The following PLA1A variants were observed in gnomAD, a reference collection of about 807,000 sequenced individuals.
PLA1A encodes the protein phosphatidylserine-specific phospholipase A1alpha.
A neutral mutation model predicts 49.4 loss-of-function variants in PLA1A; 47 were observed. That is an observed-to-expected ratio of 0.95 (90% confidence interval 0.75 to 1.21). The LOEUF (loss-of-function observed/expected upper bound fraction) is 1.21, where lower values mean the gene tolerates loss of function less well. Ranked by LOEUF, PLA1A falls within the 50% of genes most tolerant of loss-of-function variation. The pLI is 0.00. For missense variants in PLA1A, 561 were observed against 563.9 expected (o/e 0.99, Z 0.05); for synonymous variants, 224 against 207.9 (o/e 1.08, Z -0.67).
At chr3:119,602,157 G>T (rs1227488142) in intron 1 of PLA1A, among the ~76,000 whole-genome samples, 1 of 151,862 alleles carries the variant, frequency 6.6e-6, no homozygotes, top group South Asian at 2.1e-4. Context: ...TTGCACTTTT[G>T]GTACTTCGGA....
rs1298592085 is a variant in PLA1A at position 119,613,018 on chromosome 3, C to T, written c.564C>T (p.Gly188=). The T allele has an allele frequency of 6.3e-7, 1 of 1,584,398 alleles. No individual in the cohort carries two copies. Among genetic ancestry groups the T allele is most frequent in the Non-Finnish European group, 8.6e-7 (1 of 1,162,084 alleles). The change falls in exon 5 of 11, where the codon GGC becomes GGT. Residue 188 remains glycine (G), a splice_region_variant and synonymous_variant. Coordinates refer to ENST00000273371, the MANE Select transcript of PLA1A (RefSeq NM_015900.4). ...LFGGQLGQIT[G]LDPAGPEYTR... The stretch of plus-strand genomic sequence containing the variant: ...CCTCATATCAGTCTCTTCTCACAGG[C>T]CTGGACCCCGCTGGACCTGAGTACA...
intron 2 of PLA1A, among the ~76,000 whole-genome samples, chr3:119,608,276 G>T (rs1474938938): frequency 6.6e-6 from 1 of 150,512 alleles, no homozygotes; most frequent in Non-Finnish European, 1.5e-5. Context: ...AAGAAAGAAA[G>T]AAAGAAAGAA....
chr3:119,610,080 G>T (rs1375894080), intron 4 of PLA1A, among the ~76,000 whole-genome samples: 2 of 152,142 alleles, frequency 1.3e-5, no homozygotes, highest in Non-Finnish European at 2.9e-5. Context: ...GCGGTATTTG[G>T]TTTTTTGTTT....
chr3:119,609,376 C>A, intron 3 of PLA1A, 92 bp from the exon 4 acceptor site: 1 of 823,104 alleles, frequency 1.2e-6, no homozygotes, highest in Non-Finnish European at 2.2e-6. Context: ...ATGCCCAGGG[C>A]CTCGGCTTCT....
chr3:119,626,305 C>A (rs891802711), intron 9 of PLA1A, among the ~76,000 whole-genome samples: 1 of 152,216 alleles, frequency 6.6e-6, no homozygotes, highest in African/African-American at 2.4e-5. Context: ...GTGGGGGAAC[C>A]TGCAGGGGAA....
At chr3:119,606,739 T>G (rs779350476) in intron 1 of PLA1A, 35 bp from the exon 2 acceptor site, 1 of 1,561,050 alleles carries the variant, frequency 6.4e-7, no homozygotes, top group Non-Finnish European at 8.8e-7. Context: ...TGACCTCACC[T>G]TGGATGTTGC....
chr3:119,626,894 C>T (rs767288697), intron 9 of PLA1A, among the ~76,000 whole-genome samples: 3 of 152,146 alleles, frequency 2.0e-5, no homozygotes, highest in Non-Finnish European at 2.9e-5. Flanking sequence ...TCATTAGACC[C>T]GCTCAAGGTT....
chr3:119,613,045 C>G lies in PLA1A; in HGVS notation c.591C>G (p.Thr197=), dbSNP rs2272269. The change falls in exon 5 of 11, where the codon ACC becomes ACG. Residue 197 remains threonine (T), a synonymous_variant. Coordinates refer to ENST00000273371, the MANE Select transcript of PLA1A (RefSeq NM_015900.4). ...TGLDPAGPEY[T]RASVEERLDA... ...TGGACCCCGCTGGACCTGAGTACAC[C>G]AGGGCCAGTGTGGAAGAGCGCTTGG... The G allele has an allele frequency of 0.19, 303,154 of 1,597,774 alleles. 34,267 individuals are homozygous for G. Among genetic ancestry groups the G allele is most frequent in the East Asian group, 0.47 (21,116 of 44,466 alleles).
At chr3:119,611,061 T>C (rs2082758670) in intron 4 of PLA1A, among the ~76,000 whole-genome samples, 1 of 152,206 alleles carries the variant, frequency 6.6e-6, no homozygotes, top group Non-Finnish European at 1.5e-5. Context: ...ATTTATCGAA[T>C]AGGGTATCTT....
intron 10 of PLA1A, 66 bp from the exon 11 acceptor site, chr3:119,629,318 A>C (rs2052591189): frequency 2.2e-6 from 2 of 912,776 alleles, no homozygotes; most frequent in South Asian, 1.3e-5. Context: ...GGGAATTCAA[A>C]AGCCACACAA....
chr3:119,620,937 T>C (rs1320242874), intron 8 of PLA1A, among the ~76,000 whole-genome samples: 1 of 152,228 alleles, frequency 6.6e-6, no homozygotes, highest in Non-Finnish European at 1.5e-5. Flanking sequence ...GTCTCCTGAC[T>C]GTAAACTCTA....
chr3:119,616,975 G>A (rs769981081), intron 6 of PLA1A, among the ~76,000 whole-genome samples: 26 of 152,206 alleles, frequency 1.7e-4, no homozygotes, highest in South Asian at 6.2e-4. Flanking sequence ...CATACAGAGT[G>A]TCCCAACCAC....
chr3:119,608,800 C>T lies in PLA1A; in HGVS notation c.306C>T (p.Asp102=), dbSNP rs1171326218. 1 of 1,613,998 alleles carries T rather than the reference C, an allele frequency of 6.2e-7. No homozygotes were observed. Among genetic ancestry groups the T allele is most frequent in the South Asian group, 1.1e-5 (1 of 91,076 alleles). The part of the protein sequence containing the change: ...RVLGTKPSWI[D]TFIRTLLRAT... ...TAGGAACAAAGCCTTCCTGGATTGA[C>T]ACATTTATTAGAACCCTTCTGCGTG... is the stretch of plus-strand genomic sequence containing the variant. Residue 102 remains aspartate, a synonymous_variant, in exon 3 of 11, where the codon GAC becomes GAT. Coordinates refer to ENST00000273371, the MANE Select transcript of PLA1A (RefSeq NM_015900.4).
At chr3:119,612,920 T>G in intron 4 of PLA1A, 97 bp from the exon 5 acceptor site, 1 of 739,336 alleles carries the variant, frequency 1.4e-6, no homozygotes. Context: ...TCTGGGAGGG[T>G]CTATGATCTG....
chr3:119,623,996 A>T (rs2082982575), intron 8 of PLA1A, among the ~76,000 whole-genome samples: 1 of 152,140 alleles, frequency 6.6e-6, no homozygotes, highest in African/African-American at 2.4e-5. Context: ...AAGTGCTGCG[A>T]TTACAGGAGT....
intron 5 of PLA1A, among the ~76,000 whole-genome samples, chr3:119,613,340 T>C (rs1421131130): frequency 6.6e-6 from 1 of 152,272 alleles, no homozygotes; most frequent in African/African-American, 2.4e-5. Flanking sequence ...GCAAGAGGAT[T>C]CTCATTTATA....
At chr3:119,622,163 A>AGG (rs2082947331) in intron 8 of PLA1A, among the ~76,000 whole-genome samples, 132 of 101,002 alleles carry the variant, frequency 1.3e-3, no homozygotes, top group African/African-American at 5.5e-3. Flanking sequence ...GAAGAAGAAG[A>AGG]AGAAGAAGAA....
chr3:119,603,306 G>A (rs559414794), intron 1 of PLA1A, among the ~76,000 whole-genome samples: 63 of 152,168 alleles, frequency 4.1e-4, no homozygotes, highest in Non-Finnish European at 6.8e-4. Context: ...TGGTGAGAAG[G>A]GTTAGATTCT....
At chr3:119,604,009 T>G (rs1577136395) in intron 1 of PLA1A, among the ~76,000 whole-genome samples, 1 of 152,392 alleles carries the variant, frequency 6.6e-6, no homozygotes, top group East Asian at 1.9e-4. Context: ...ACAACCCAAG[T>G]GCTGTTTTAG....
Sources: allele counts gnomAD v4.1 joint callset (sites outside exome capture counted in the v4.1 genomes callset), GRCh38; gene constraint gnomAD v4.1.1; transcripts MANE v1.5; gene names NCBI Gene and HGNC (gene_info 2026-07-23, HGNC 2026-07-21).